The following ZDHHC13 variants were observed in gnomAD, a reference collection of about 807,000 sequenced individuals.
ZDHHC13 encodes palmitoyltransferase ZDHHC13.
In ZDHHC13, 85 loss-of-function variants were observed where a neutral mutation model predicts 86.0. That is an observed-to-expected ratio of 0.99 (90% confidence interval 0.83 to 1.18). The LOEUF is 1.18. Among genes scored for constraint, ZDHHC13 ranks in the 50% most tolerant of loss-of-function variants. ZDHHC13 has a pLI of 0.00. For missense variants in ZDHHC13, 711 were observed against 730.2 expected (o/e 0.97, Z 0.30); for synonymous variants, 263 against 246.4 (o/e 1.07, Z -0.63).
intron 12 of ZDHHC13, chr11:19,164,648 A>G (rs1850007249): frequency 2.2e-6 from 1 of 448,332 alleles, no homozygotes; most frequent in Non-Finnish European, 4.0e-6. Flanking sequence ...ACGTCAAATC[A>G]GAGGCTCATA....
In ZDHHC13 at chr11:19,170,419, A is replaced by G. The variant is rs752784958; in HGVS notation, c.1483A>G (p.Ser495Gly). 2 of 1,416,580 alleles carry G rather than the reference A, an allele frequency of 1.4e-6. No homozygotes were observed. The highest frequency in any genetic ancestry group is 2.7e-5 in the South Asian group (2 of 73,010). 87.8% of individuals were successfully genotyped at this position (1,416,580 alleles called of 1,614,324 possible). A position where few individuals can be genotyped will look rare whatever the true frequency, so the allele number is the denominator to read the frequency against. Residue 495 changes from serine (S) to glycine (G), a missense_variant, in exon 15 of 17, where the codon AGT becomes GGT. Physicochemically the swap from Ser to Gly is moderately conservative, Grantham distance 56 (BLOSUM62 0). Transcript: ENST00000446113. Reference protein sequence around the residue: ...IIYGSFIYLSSHCATTFKEDG... With the variant: ...IIYGSFIYLSGHCATTFKEDG... ...TTTTGGTGAATTCACAGATTTGTCCAGTCATTGTGCCACAACATTCAAAGA... is the reference window on the plus strand; with the variant it reads ...TTTTGGTGAATTCACAGATTTGTCCGGTCATTGTGCCACAACATTCAAAGA...
chr11:19,166,307 G>T lies in ZDHHC13; in HGVS notation c.1396G>T (p.Gly466Cys). The T allele has an allele frequency of 6.2e-7, 1 of 1,606,540 alleles. No homozygotes were observed. Among genetic ancestry groups the T allele is most frequent in the South Asian group, 1.1e-5 (1 of 88,968 alleles). The part of the protein sequence containing the change: ...CLWTGRCIGF[G>C]NHHYYIFFLF... Reference sequence around the variant, plus strand: ...TTTTTTTCTTTTTTCTTGAGGTTTTGGCAACCATCACTATTACATATTCTT... The same window carrying T: ...TTTTTTTCTTTTTTCTTGAGGTTTTTGCAACCATCACTATTACATATTCTT... The change falls in exon 14 of 17, where the codon GGC (glycine) becomes TGC (cysteine). Residue 466 changes from glycine to cysteine, a missense_variant. Physicochemically the swap from Gly to Cys is radical, Grantham distance 159. Transcript: ENST00000446113.
intron 8 of ZDHHC13, among the ~76,000 whole-genome samples, chr11:19,153,609 G>T (rs1849670539): frequency 4.6e-5 from 7 of 152,074 alleles, no homozygotes; most frequent in Admixed American, 4.6e-4. Context: ...TGTTGGTAGG[G>T]TGCCCCAGGA....
chr11:19,171,617 C>A (rs1435652602), intron 15 of ZDHHC13, among the ~76,000 whole-genome samples: 1 of 152,102 alleles, frequency 6.6e-6, no homozygotes, highest in Non-Finnish European at 1.5e-5. Flanking sequence ...ATACTAGCAT[C>A]TGTGATTATT....
At chr11:19,158,431 G>T (rs971782269) in intron 9 of ZDHHC13, among the ~76,000 whole-genome samples, 2 of 152,044 alleles carry the variant, frequency 1.3e-5, no homozygotes, top group African/African-American at 4.8e-5. Flanking sequence ...CTTTTTATAT[G>T]AAGTGTCTAC....
At chr11:19,133,352 C>CATAT (rs149739194) in intron 1 of ZDHHC13, among the ~76,000 whole-genome samples, 16 of 144,846 alleles carry the variant, frequency 1.1e-4, no homozygotes, top group African/African-American at 2.3e-4. Flanking sequence ...GAATTGTTTA[C>CATAT]ATATATATAT....
intron 14 of ZDHHC13, chr11:19,169,316 A>C (rs955401635): frequency 3.0e-6 from 3 of 985,332 alleles, no homozygotes; most frequent in Non-Finnish European, 3.6e-6. Flanking sequence ...GAGAGAGTGT[A>C]ATTTGCCTTA....
chr11:19,149,057 A>T, intron 4 of ZDHHC13, 130 bp from the exon 5 acceptor site: 1 of 862,734 alleles, frequency 1.2e-6, no homozygotes, highest in Non-Finnish European at 1.6e-6. Flanking sequence ...CCATTGTTTC[A>T]AAAATCTTAC....
Position 19,165,565 on chromosome 11 carries a change from G to C in ZDHHC13, c.1390+420G>C, listed in dbSNP as rs569127257. Among the ~76,000 whole-genome samples, 5 of 152,242 alleles carry C rather than the reference G, an allele frequency of 3.3e-5. No individual in the cohort carries two copies. In the South Asian group the frequency reaches 1.0e-3, roughly 32 times the overall value. On this transcript the variant is annotated intron_variant, in intron 13 of 16. Transcript: ENST00000446113. ...GTATTTGTGTCATTAGCATTGAAAT[G>C]CTCCCATCTCCAGCATTGAGAAGGC...
intron 1 of ZDHHC13, among the ~76,000 whole-genome samples, chr11:19,124,836 A>G (rs934449795): frequency 4.6e-5 from 7 of 152,188 alleles, no homozygotes; most frequent in Non-Finnish European, 1.0e-4. Flanking sequence ...GAAGAAGAAA[A>G]AGACCGGAAT....
At chr11:19,149,621 T>C (rs941949435) in intron 5 of ZDHHC13, among the ~76,000 whole-genome samples, 2 of 152,220 alleles carry the variant, frequency 1.3e-5, no homozygotes, top group Non-Finnish European at 2.9e-5. Flanking sequence ...AAAACATGAC[T>C]TCAAAGCCTG....
intron 1 of ZDHHC13, among the ~76,000 whole-genome samples, chr11:19,121,300 C>A (rs1489268290): frequency 1.3e-5 from 2 of 152,170 alleles, no homozygotes; most frequent in African/African-American, 4.8e-5. Flanking sequence ...GGAGTCCACC[C>A]ATTCTTTAGG....
intron 1 of ZDHHC13, among the ~76,000 whole-genome samples, chr11:19,140,147 A>C (rs1565025960): frequency 6.7e-6 from 1 of 150,298 alleles, no homozygotes; most frequent in Non-Finnish European, 1.5e-5. Flanking sequence ...CATGGGAGAA[A>C]ATTTTCGCAA....
At chr11:19,139,652 T>A in intron 1 of ZDHHC13, among the ~76,000 whole-genome samples, 1 of 151,698 alleles carries the variant, frequency 6.6e-6, no homozygotes, top group East Asian at 1.9e-4. Flanking sequence ...TCACACTGCC[T>A]GACTTCAAAC....
At chr11:19,127,115 T>G (rs1848896290) in intron 1 of ZDHHC13, among the ~76,000 whole-genome samples, 1 of 152,206 alleles carries the variant, frequency 6.6e-6, no homozygotes, top group East Asian at 1.9e-4. Flanking sequence ...CTTGCCAGCA[T>G]CTCTTATTTT....
rs1850194304 is a variant in ZDHHC13 at position 19,170,534 on chromosome 11, G to GGTCAA, written c.1599_1603dup (p.Thr535SerfsTer7). ...ATGCTAGCAACTTTCCATTTCTCAT[G>GGTCAA]GTCAACATTTTTATTATTAAATCAA... On this transcript the variant is annotated frameshift_variant, in exon 15 of 17. Coordinates refer to ENST00000446113, the MANE Select transcript of ZDHHC13 (RefSeq NM_019028.3). LOFTEE classifies it high-confidence loss of function. 6.6e-7 allele frequency: 1 copy of GGTCAA among 1,526,620 alleles called. No individual in the cohort carries two copies. 94.6% of individuals were successfully genotyped at this position (1,526,620 alleles called of 1,614,324 possible). A position where few individuals can be genotyped will look rare whatever the true frequency, so the allele number is the denominator to read the frequency against.
chr11:19,128,299 G>A (rs1009260599), intron 1 of ZDHHC13, among the ~76,000 whole-genome samples: 2 of 152,228 alleles, frequency 1.3e-5, no homozygotes, highest in South Asian at 4.1e-4. Flanking sequence ...TGTTGATTTT[G>A]TATCCTGAAA....
At position 19,137,762 on chromosome 11, in the gene ZDHHC13, C is replaced by T. The variant is rs542592747; in HGVS notation, c.28-5216C>T. On this transcript the variant is annotated intron_variant, in intron 1 of 16. Transcript: ENST00000446113. ...AGAACTCAGGATTAAGAATCTCACT[C>T]AAAACCGCTCAACTACATGGAAACT... Among the ~76,000 whole-genome samples, 23 of 152,282 alleles carry T rather than the reference C, an allele frequency of 1.5e-4. No individual in the cohort carries two copies. The East Asian group carries it at 4.0e-3, about 27-fold the overall frequency.
rs1850067779 is a variant in ZDHHC13 at position 19,166,341 on chromosome 11, TC to T, written c.1432del (p.Leu478PhefsTer47). 1.2e-6 allele frequency: 2 copies of T among 1,612,546 alleles called. No homozygotes were observed. Among genetic ancestry groups the T allele is most frequent in the African/African-American group, 2.7e-5 (2 of 74,892 alleles). On this transcript the variant is annotated frameshift_variant, in exon 14 of 17. Coordinates refer to ENST00000446113, the MANE Select transcript of ZDHHC13 (RefSeq NM_019028.3). LOFTEE classifies it high-confidence loss of function. ...CACTATTACATATTCTTCTTGTTTT[TC>T]CTTTCCATGGTATGTGGCTGGATTA... Reference protein sequence around the residue: ...NHHYYIFFLFFLSMVCGWIIY... With the variant: ...NHHYYIFFLFXLSMVCGWIIY...
Sources: allele counts gnomAD v4.1 joint callset (sites outside exome capture counted in the v4.1 genomes callset), GRCh38; gene constraint gnomAD v4.1.1; transcripts MANE v1.5; gene names NCBI Gene and HGNC (gene_info 2026-07-23, HGNC 2026-07-21).